Variants in SPOCK1 observed in about 807,000 individuals in gnomAD.
SPOCK1 encodes testican-1.
SPOCK1 carries 23 observed loss-of-function variants against 55.3 expected under a neutral mutation model. The ratio of observed to expected loss-of-function variants is 0.42; its 90% CI spans 0.30 to 0.59. The LOEUF is 0.59. Among genes scored for constraint, SPOCK1 ranks in the 20% least tolerant of loss-of-function variants. The pLI is 0.22. For synonymous variants in SPOCK1, 226 were observed against 221.0 expected (o/e 1.02, Z -0.20); for missense variants, 499 against 552.5 (o/e 0.90, Z 0.97).
intron 6 of SPOCK1, among the ~76,000 whole-genome samples, chr5:137,001,854 A>C (rs1449782656): frequency 1.3e-5 from 2 of 152,196 alleles, no homozygotes; most frequent in Admixed American, 1.3e-4. Context: ...AGAAAACACA[A>C]TAGGAGCTTA....
At chr5:137,354,964 A>G (rs1203305854) in intron 2 of SPOCK1, among the ~76,000 whole-genome samples, 29 of 152,236 alleles carry the variant, frequency 1.9e-4, no homozygotes, top group African/African-American at 6.3e-4. Flanking sequence ...GTGCAGTGGC[A>G]CAATCTCAGC....
chr5:137,236,849 A>T (rs1756191061), intron 3 of SPOCK1, among the ~76,000 whole-genome samples: 1 of 152,236 alleles, frequency 6.6e-6, no homozygotes, highest in Non-Finnish European at 1.5e-5. Context: ...ACTGGACAAG[A>T]TACCTGAATA....
intron 3 of SPOCK1, among the ~76,000 whole-genome samples, chr5:137,206,504 T>C (rs1294560145): frequency 1.3e-5 from 2 of 152,246 alleles, no homozygotes; most frequent in African/African-American, 2.4e-5. Flanking sequence ...GCCAGGGCCA[T>C]GACTCAGTGG....
At chr5:137,356,839 A>ATATATATATATATG in intron 2 of SPOCK1, among the ~76,000 whole-genome samples, 1 of 31,818 alleles carries the variant, frequency 3.1e-5, no homozygotes, top group Non-Finnish European at 7.1e-5. Context: ...ATATATATAT[A>ATATATATATATATG]GAGAGAGAGA....
intron 6 of SPOCK1, among the ~76,000 whole-genome samples, chr5:137,050,290 G>T (rs1489775076): frequency 7.9e-6 from 1 of 125,860 alleles, no homozygotes; most frequent in Non-Finnish European, 1.7e-5. Flanking sequence ...AGCAATCAGC[G>T]AGATTCCGTG....
intron 5 of SPOCK1, among the ~76,000 whole-genome samples, chr5:137,085,876 T>G (rs1752953684): frequency 6.6e-6 from 1 of 152,144 alleles, no homozygotes; most frequent in South Asian, 2.1e-4. Flanking sequence ...AAGCCCTTCC[T>G]CCCTGCCCCA....
At chr5:137,441,494 C>T (rs1362991479) in intron 2 of SPOCK1, among the ~76,000 whole-genome samples, 1 of 152,196 alleles carries the variant, frequency 6.6e-6, no homozygotes, top group Non-Finnish European at 1.5e-5. Flanking sequence ...CCATCTTAGC[C>T]ACCCGCCAGG....
At chr5:137,272,924 A>C (rs571809601) in intron 2 of SPOCK1, among the ~76,000 whole-genome samples, 66 of 152,098 alleles carry the variant, frequency 4.3e-4, no homozygotes, top group African/African-American at 1.5e-3. Context: ...AATTCCCATA[A>C]CTATTACTAG....
intron 2 of SPOCK1, among the ~76,000 whole-genome samples, chr5:137,476,653 G>A (rs1480824892): frequency 6.6e-6 from 1 of 152,146 alleles, no homozygotes; most frequent in Non-Finnish European, 1.5e-5. Context: ...GGCTGGACAC[G>A]GTGGCTCACG....
chr5:137,040,734 C>A (rs1275982596), intron 6 of SPOCK1, among the ~76,000 whole-genome samples: 3 of 152,206 alleles, frequency 2.0e-5, no homozygotes, highest in Non-Finnish European at 1.5e-5. Context: ...AATTTCACAT[C>A]TCTCTGTATT....
At chr5:137,438,568 A>T (rs777545391) in intron 2 of SPOCK1, among the ~76,000 whole-genome samples, 33 of 152,220 alleles carry the variant, frequency 2.2e-4, no homozygotes, top group Non-Finnish European at 3.2e-4. Flanking sequence ...GGAAGGGAAT[A>T]TCTACAGCCC....
At chr5:137,112,325 C>A (rs1489862939) in intron 5 of SPOCK1, 110 bp downstream of exon 5, 2 of 1,389,364 alleles carry the variant, frequency 1.4e-6, no homozygotes, top group Non-Finnish European at 1.9e-6. Flanking sequence ...TTCTCAAGGG[C>A]AAGGCCTGGA....
At chr5:137,304,639 C>A (rs754480504) in intron 2 of SPOCK1, among the ~76,000 whole-genome samples, 2 of 152,102 alleles carry the variant, frequency 1.3e-5, no homozygotes, top group African/African-American at 4.8e-5. Flanking sequence ...CAGCTTCCCC[C>A]CACTGGGTGA....
intron 2 of SPOCK1, among the ~76,000 whole-genome samples, chr5:137,434,480 CTTTTTTTTTTTTTTTTTT>C (rs146762668): frequency 1.5e-5 from 1 of 68,188 alleles, no homozygotes; most frequent in Non-Finnish European, 2.6e-5. Flanking sequence ...TCTTTTTTTT[CTTTTTTTTTTTTTTTTTT>C]TTTTTTTTTT....
intron 3 of SPOCK1, among the ~76,000 whole-genome samples, chr5:137,185,277 T>C (rs1755046095): frequency 6.6e-6 from 1 of 152,182 alleles, no homozygotes; most frequent in Non-Finnish European, 1.5e-5. Flanking sequence ...ATGAAGGGAT[T>C]ACACAGGTTA....
At chr5:137,170,569 C>A (rs948811872) in intron 3 of SPOCK1, among the ~76,000 whole-genome samples, 1 of 148,882 alleles carries the variant, frequency 6.7e-6, no homozygotes, top group Non-Finnish European at 1.5e-5. Flanking sequence ...ATAGGAGAGA[C>A]ACGAATGAGC....
intron 3 of SPOCK1, among the ~76,000 whole-genome samples, chr5:137,227,789 T>C (rs978760782): frequency 1.3e-5 from 2 of 152,198 alleles, no homozygotes; most frequent in African/African-American, 2.4e-5. Flanking sequence ...TAACTCCAGA[T>C]ACAGACCACC....
intron 2 of SPOCK1, among the ~76,000 whole-genome samples, chr5:137,328,930 A>G (rs1758124340): frequency 6.6e-6 from 1 of 152,076 alleles, no homozygotes; most frequent in Admixed American, 6.6e-5. Context: ...GCACACTTTC[A>G]CCACCCCGCC....
At chr5:137,489,609 C>G (rs893366688) in intron 2 of SPOCK1, among the ~76,000 whole-genome samples, 3 of 152,190 alleles carry the variant, frequency 2.0e-5, no homozygotes, top group African/African-American at 7.2e-5. Context: ...AAAGAACAGG[C>G]CATCCTTCCA....
Sources: allele counts gnomAD v4.1 joint callset (sites outside exome capture counted in the v4.1 genomes callset), GRCh38; gene constraint gnomAD v4.1.1; transcripts MANE v1.5; gene names NCBI Gene and HGNC (gene_info 2026-07-23, HGNC 2026-07-21).